DYNLRB1: variants seen among roughly 807,000 people sequenced by gnomAD.
The protein encoded by DYNLRB1 is ROBL/LC7-like 1.
DYNLRB1 carries 6 observed loss-of-function variants against 13.5 expected under a neutral mutation model. That is an observed-to-expected ratio of 0.44 (90% confidence interval 0.24 to 0.88). The LOEUF is 0.88. DYNLRB1 is among the 40% of genes least tolerant of loss of function. DYNLRB1 has a pLI of 0.21. For missense variants in DYNLRB1, 93 were observed against 127.2 expected (o/e 0.73, Z 1.29); for synonymous variants, 43 against 45.0 (o/e 0.96, Z 0.18).
At chr20:34,516,081 G>GAAGGGGTCTC (rs1324419075), upstream of DYNLRB1, among the ~76,000 whole-genome samples, 2 of 152,140 alleles carry the variant, frequency 1.3e-5, no homozygotes, top group African/African-American at 4.8e-5. Context: ...TTTTAGTAGA[G>GAAGGGGTCTC]AAGGGGTCTC....
intron 2 of DYNLRB1, among the ~76,000 whole-genome samples, chr20:34,528,779 T>C (rs1271658541): frequency 6.6e-6 from 1 of 151,974 alleles, no homozygotes; most frequent in Admixed American, 6.6e-5. Flanking sequence ...AAGACCAGCC[T>C]GGGCAATGTA....
intron 1 of DYNLRB1, among the ~76,000 whole-genome samples, chr20:34,522,019 G>C (rs1160679597): frequency 6.6e-6 from 1 of 151,874 alleles, no homozygotes; most frequent in Non-Finnish European, 1.5e-5. Flanking sequence ...GGGTGACAGA[G>C]TGAGACCCTA....
intron 1 of DYNLRB1, among the ~76,000 whole-genome samples, chr20:34,519,410 T>TGTATATGCATGTTGTATA (rs1979530527): frequency 6.6e-6 from 1 of 152,152 alleles, no homozygotes; most frequent in Non-Finnish European, 1.5e-5. Context: ...TATGTTAACT[T>TGTATATGCATGTTGTATA]TACTTTAAGG....
At chr20:34,529,970 C>A in intron 2 of DYNLRB1, 3 of 1,362,786 alleles carry the variant, frequency 2.2e-6, no homozygotes, top group South Asian at 1.8e-5. Flanking sequence ...TCAACTGCCT[C>A]GAGTCCTGTG....
intron 1 of DYNLRB1, among the ~76,000 whole-genome samples, chr20:34,517,737 TCC>T (rs1979368952): frequency 5.3e-5 from 8 of 151,068 alleles, no homozygotes; most frequent in Admixed American, 2.6e-4. Flanking sequence ...CAAGTGATTC[TCC>T]CGCCTCAGCC....
At chr20:34,517,360 AT>A (rs1979324784) in intron 1 of DYNLRB1, among the ~76,000 whole-genome samples, 1 of 152,170 alleles carries the variant, frequency 6.6e-6, no homozygotes, top group Admixed American at 6.5e-5. Context: ...TTTAGCCCCT[AT>A]TGAATGTGCA....
intron 3 of DYNLRB1, among the ~76,000 whole-genome samples, chr20:34,537,972 C>A (rs1981283363): frequency 7.0e-6 from 1 of 143,758 alleles, no homozygotes; most frequent in Non-Finnish European, 1.5e-5. Context: ...CCAGAACCGC[C>A]CACGTGAACA....
intron 2 of DYNLRB1, 136 bp from the exon 3 acceptor site, chr20:34,534,492 G>A: frequency 1.8e-6 from 2 of 1,132,404 alleles, no homozygotes; most frequent in South Asian, 3.4e-5. Context: ...CACCATGCCT[G>A]TCACATAGCA....
At chr20:34,516,870 C>T in intron 1 of DYNLRB1, 1 of 1,528,022 alleles carries the variant, frequency 6.5e-7, no homozygotes, top group Non-Finnish European at 8.8e-7. Context: ...CCTCCCAGCT[C>T]TGTGAGGTAG....
chr20:34,528,021 T>C (rs1450529612), intron 2 of DYNLRB1, among the ~76,000 whole-genome samples: 2 of 112,762 alleles, frequency 1.8e-5, no homozygotes, highest in African/African-American at 6.6e-5. Flanking sequence ...ACTACCCTAC[T>C]GGAGTAGCCG....
intron 1 of DYNLRB1, among the ~76,000 whole-genome samples, chr20:34,517,108 C>T (rs1979298296): frequency 6.6e-6 from 1 of 152,158 alleles, no homozygotes; most frequent in Non-Finnish European, 1.5e-5. Context: ...TTGCTTGCTG[C>T]AGCTGTGGGT....
intron 3 of DYNLRB1, among the ~76,000 whole-genome samples, chr20:34,538,603 C>T (rs1233157386): frequency 1.3e-5 from 2 of 152,268 alleles, no homozygotes; most frequent in East Asian, 1.9e-4. Context: ...GAGTAAAAGA[C>T]ACTGATGTTA....
At chr20:34,534,104 TG>T (rs1208114982) in intron 2 of DYNLRB1, among the ~76,000 whole-genome samples, 1 of 152,206 alleles carries the variant, frequency 6.6e-6, no homozygotes, top group Non-Finnish European at 1.5e-5. Flanking sequence ...CACTCCAGCC[TG>T]GGCAACAGAG....
chr20:34,516,486 G>A (rs758414371), intron 1 of DYNLRB1, 25 bp downstream of exon 1: 2 of 1,612,342 alleles, frequency 1.2e-6, no homozygotes, highest in South Asian at 2.2e-5. Context: ...GGGTCTTGTG[G>A]CTGGCGGCCG....
intron 2 of DYNLRB1, among the ~76,000 whole-genome samples, chr20:34,532,394 C>A (rs374481327): frequency 2.6e-5 from 4 of 152,252 alleles, no homozygotes; most frequent in Admixed American, 1.3e-4. Context: ...CAATTTGGAG[C>A]CCAGGACCCT....
rs187072811 is a variant in DYNLRB1, at chr20:34,520,908, C to T, written c.3+4447C>T. ...AGGACCAGTGCTTTTATGGTTCTTG[C>T]AATATATTGTCCTGTAGCTTTGTCA... On this transcript the variant is annotated intron_variant, in intron 1 of 3. Transcript: ENST00000357156. Among the ~76,000 whole-genome samples, 19 of 152,286 alleles carry T rather than the reference C, an allele frequency of 1.2e-4. No individual in the cohort carries two copies. The East Asian group carries it at 2.7e-3, about 22-fold the overall frequency.
chr20:34,526,164 C>T, intron 1 of DYNLRB1, 104 bp from the exon 2 acceptor site: 2 of 1,283,274 alleles, frequency 1.6e-6, no homozygotes, highest in Non-Finnish European at 2.2e-6. Context: ...CTGAGTATTA[C>T]TTGTTTGTTG....
intron 2 of DYNLRB1, among the ~76,000 whole-genome samples, chr20:34,534,268 T>C (rs1327371013): frequency 6.6e-6 from 1 of 152,228 alleles, no homozygotes; most frequent in East Asian, 1.9e-4. Flanking sequence ...GAATCAGAGC[T>C]AGTCTCTCCT....
chr20:34,532,308 G>T (rs138339259), intron 2 of DYNLRB1, among the ~76,000 whole-genome samples: 123 of 152,328 alleles, frequency 8.1e-4, no homozygotes, highest in African/African-American at 2.6e-3. Flanking sequence ...AGATAAGGCA[G>T]TGGAAGCTCA....
Sources: gnomAD v4.1 joint callset for allele counts (sites outside exome capture counted in the v4.1 genomes callset) on GRCh38, gnomAD v4.1.1 for gene constraint, MANE v1.5 for transcripts, NCBI Gene and HGNC (gene_info 2026-07-23, HGNC 2026-07-21) for gene names.